The following STEAP1B variants were observed in gnomAD, a reference collection of about 807,000 sequenced individuals.
STEAP1B encodes STEAP family member 1B, also known as STEAP family protein MGC87042.
A neutral mutation model predicts 27.9 loss-of-function variants in STEAP1B; 13 were observed. That is an observed-to-expected ratio of 0.47 (90% CI 0.30 to 0.74). STEAP1B has a LOEUF of 0.74. Ranked by LOEUF, STEAP1B falls within the 30% of genes least tolerant of loss-of-function variation. The pLI, the probability that STEAP1B is intolerant of heterozygous loss-of-function variation, is 0.06. For synonymous variants in STEAP1B, 86 were observed against 107.1 expected (o/e 0.80, Z 1.22); for missense variants, 250 against 298.7 (o/e 0.84, Z 1.20).
chr7:22,458,410 T>C (rs1313575648), intron 4 of STEAP1B, among the ~76,000 whole-genome samples: 1 of 151,628 alleles, frequency 6.6e-6, no homozygotes, highest in Middle Eastern at 3.2e-3. Context: ...AAAGGAGAGG[T>C]GGAGTCGAAG....
intron 4 of STEAP1B, among the ~76,000 whole-genome samples, chr7:22,454,693 T>C (rs761595186): frequency 5.3e-5 from 8 of 151,880 alleles, no homozygotes; most frequent in Non-Finnish European, 7.4e-5. Context: ...CTGCAGGAGC[T>C]GGATGCTAGA....
chr7:22,496,970 A>T (rs1158756225), intron 1 of STEAP1B, among the ~76,000 whole-genome samples: 1 of 152,370 alleles, frequency 6.6e-6, no homozygotes, highest in East Asian at 1.9e-4. Flanking sequence ...CAGAACATTC[A>T]TGATGAAGAT....
At chr7:22,445,341 G>A (rs987544290) in intron 4 of STEAP1B, among the ~76,000 whole-genome samples, 1 of 152,252 alleles carries the variant, frequency 6.6e-6, no homozygotes, top group Non-Finnish European at 1.5e-5. Flanking sequence ...TCTAACTTCA[G>A]ATCAAGGGGA....
intron 1 of STEAP1B, among the ~76,000 whole-genome samples, chr7:22,496,110 C>T (rs1414424521): frequency 1.3e-5 from 2 of 151,934 alleles, no homozygotes; most frequent in Non-Finnish European, 2.9e-5. Context: ...GACAGTGATA[C>T]TGATGATCCT....
chr7:22,485,139 GGATT>G (rs1786180009), intron 4 of STEAP1B, among the ~76,000 whole-genome samples: 1 of 152,228 alleles, frequency 6.6e-6, no homozygotes. Flanking sequence ...GGATCTGAGA[GGATT>G]GATTCCAATT....
chr7:22,455,261 G>A (rs775017351), intron 4 of STEAP1B, among the ~76,000 whole-genome samples: 16 of 152,212 alleles, frequency 1.1e-4, no homozygotes, highest in Admixed American at 6.5e-4. Context: ...ACACAGAAGA[G>A]GAACTGCTGG....
chr7:22,498,950 A>T (rs1309478874), intron 1 of STEAP1B, among the ~76,000 whole-genome samples: 2 of 152,228 alleles, frequency 1.3e-5, no homozygotes. Flanking sequence ...TGTGGCCCAC[A>T]CTCAACTCTA....
chr7:22,446,850 A>G (rs1032401386), intron 4 of STEAP1B, among the ~76,000 whole-genome samples: 1 of 152,224 alleles, frequency 6.6e-6, no homozygotes, highest in African/African-American at 2.4e-5. Context: ...TGCTGTGAAG[A>G]GTAATGAGAC....
chr7:22,494,817 A>G lies in STEAP1B; in HGVS notation c.39T>C (p.Ile13=), dbSNP rs746611543. 16 of 1,589,844 alleles carry G rather than the reference A, an allele frequency of 1.0e-5. No homozygotes were observed. The Admixed American group carries it at 2.6e-4, about 26-fold the overall frequency. ...SRKDITNQEE[I]WKMKPRRNLE... ...AATTTCTCCTAGGCTTCATTTTCCA[A>G]ATTTCTTCTTGGTTTGTGATGTCTT... Residue 13 remains isoleucine (I), a synonymous_variant, in exon 2 of 5, where the codon ATT becomes ATC. Transcript: ENST00000678116.
intron 4 of STEAP1B, among the ~76,000 whole-genome samples, chr7:22,453,418 T>C (rs563093879): frequency 7.2e-6 from 1 of 139,366 alleles, no homozygotes; most frequent in Non-Finnish European, 1.6e-5. Context: ...CCCTTTGCAG[T>C]CATTGGCCTC....
At chr7:22,498,270 T>C (rs1786476310) in intron 1 of STEAP1B, among the ~76,000 whole-genome samples, 1 of 152,020 alleles carries the variant, frequency 6.6e-6, no homozygotes. Flanking sequence ...CATGAGAAAC[T>C]GCTCCCATGG....
chr7:22,429,447 C>A (rs768639888), intron 4 of STEAP1B, among the ~76,000 whole-genome samples: 2 of 152,220 alleles, frequency 1.3e-5, no homozygotes, highest in South Asian at 2.1e-4. Flanking sequence ...CAGTAATCTT[C>A]TATTATCCAC....
At chr7:22,485,199 C>T (rs558910182) in intron 4 of STEAP1B, among the ~76,000 whole-genome samples, 2 of 152,364 alleles carry the variant, frequency 1.3e-5, no homozygotes, top group Admixed American at 1.3e-4. Flanking sequence ...AACAGCATCA[C>T]ATGCCACAGA....
At chr7:22,426,814 A>G (rs1366767502) in intron 4 of STEAP1B, among the ~76,000 whole-genome samples, 1 of 152,238 alleles carries the variant, frequency 6.6e-6, no homozygotes, top group Non-Finnish European at 1.5e-5. Flanking sequence ...GAAGCAAACA[A>G]AAAGGATACG....
intron 4 of STEAP1B, among the ~76,000 whole-genome samples, chr7:22,469,024 A>G (rs1369628983): frequency 6.6e-6 from 1 of 152,204 alleles, no homozygotes; most frequent in Non-Finnish European, 1.5e-5. Flanking sequence ...AAACAGCCTC[A>G]GGTAGGTACT....
chr7:22,454,404 C>T (rs971871025), intron 4 of STEAP1B, among the ~76,000 whole-genome samples: 1 of 152,118 alleles, frequency 6.6e-6, no homozygotes, highest in African/African-American at 2.4e-5. Flanking sequence ...TCTGGAATAG[C>T]CCTCTGGAAG....
At position 22,419,543 on chromosome 7, in the gene STEAP1B, A is replaced by C. The variant is rs1437646032; in HGVS notation, c.*261T>G. On this transcript the variant is annotated 3_prime_UTR_variant, in exon 5 of 5. Transcript: ENST00000678116. Reference sequence around the variant, plus strand: ...TCTGATCCTCGTGTCGGGATAGGCTAGGTTAGGCTCCGTAACAACCAACAC... The same window carrying C: ...TCTGATCCTCGTGTCGGGATAGGCTCGGTTAGGCTCCGTAACAACCAACAC... 3.2e-6 allele frequency: 1 copy of C among 311,982 alleles called. No homozygotes were observed. Among genetic ancestry groups the C allele is most frequent in the African/African-American group, 2.1e-5 (1 of 46,556 alleles). 19.3% of individuals were successfully genotyped at this position (311,982 alleles called of 1,614,324 possible). A position where few individuals can be genotyped will look rare whatever the true frequency, so the allele number is the denominator to read the frequency against.
intron 4 of STEAP1B, among the ~76,000 whole-genome samples, chr7:22,441,198 A>G (rs2128401999): frequency 6.6e-6 from 1 of 152,242 alleles, no homozygotes; most frequent in East Asian, 1.9e-4. Flanking sequence ...TTATTTTAGT[A>G]TTCCCTTCCT....
At chr7:22,437,585 G>A (rs539609538) in intron 4 of STEAP1B, among the ~76,000 whole-genome samples, 3 of 152,138 alleles carry the variant, frequency 2.0e-5, no homozygotes, top group Non-Finnish European at 4.4e-5. Context: ...ATATCTCTTG[G>A]ACATACTGAT....
Sources: allele counts gnomAD v4.1 joint callset (sites outside exome capture counted in the v4.1 genomes callset), GRCh38; gene constraint gnomAD v4.1.1; transcripts MANE v1.5; gene names NCBI Gene and HGNC (gene_info 2026-07-23, HGNC 2026-07-21).